Variants in POTEF observed in about 807,000 individuals in gnomAD.
POTEF encodes the protein ANKRD26-like family C member 1B.
Under a neutral mutation model 83.2 loss-of-function variants are expected in POTEF, and 20 were observed. The ratio of observed to expected loss-of-function variants is 0.24; its 90% CI spans 0.17 to 0.35. POTEF has a LOEUF of 0.35. Among genes scored for constraint, POTEF ranks in the 10% least tolerant of loss-of-function variants. The pLI is 1.00. For missense variants in POTEF, 550 were observed against 1,203.2 expected, an observed-to-expected ratio of 0.46 and a Z score of 8.03; for synonymous variants, 196 against 446.4, an observed-to-expected ratio of 0.44 and a Z score of 7.07.
intron 2 of POTEF, among the ~76,000 whole-genome samples, chr2:130,121,966 C>T (rs1010092352): frequency 2.0e-5 from 3 of 151,320 alleles, no homozygotes; most frequent in Admixed American, 6.6e-5. Context: ...CCCCATTCTT[C>T]CTTTAAACCT....
chr2:130,127,714 C>T lies in POTEF; in HGVS notation c.-99G>A, dbSNP rs1322030634. On this transcript the variant is annotated 5_prime_UTR_variant, in exon 2 of 17. Transcript: ENST00000409914. ...CCCCGCGGGCACCCTCCTACCACTC[C>T]TGTCGAGCTGCAGTCTCCGTGGCTG... 1 of 152,322 alleles carries T rather than the reference C, an allele frequency of 6.6e-6. No individual in the cohort carries two copies. Among genetic ancestry groups the T allele is most frequent in the Non-Finnish European group, 1.5e-5 (1 of 67,962 alleles). 9.4% of individuals were successfully genotyped at this position (152,322 alleles called of 1,614,324 possible).
At chr2:130,108,798 A>C (rs1684621136) in intron 7 of POTEF, among the ~76,000 whole-genome samples, 1 of 148,862 alleles carries the variant, frequency 6.7e-6, no homozygotes, top group African/African-American at 2.5e-5. Context: ...TTGATCAATC[A>C]CACCAAGGGC....
At chr2:130,113,306 C>T (rs1175317090) in intron 5 of POTEF, among the ~76,000 whole-genome samples, 3 of 109,930 alleles carry the variant, frequency 2.7e-5, no homozygotes, top group Non-Finnish European at 5.6e-5. Flanking sequence ...CACACCACTG[C>T]ATTCCAGCCT....
chr2:130,075,307 G>A lies in POTEF; in HGVS notation c.2165C>T (p.Ala722Val), dbSNP rs550448684. The A allele has an allele frequency of 1.3e-4, 205 of 1,612,604 alleles. 4 individuals are homozygous for A. In the East Asian group the frequency reaches 2.4e-3, roughly 19 times the overall value. The change falls in exon 17 of 17, where the codon GCG becomes GTG. Residue 722 changes from alanine to valine, a missense_variant. By Grantham distance (64) the Ala-to-Val change is moderately conservative (BLOSUM62 0). Coordinates refer to ENST00000409914, the MANE Select transcript of POTEF (RefSeq NM_001099771.2). The stretch of plus-strand genomic sequence containing the variant: ...GACAGCCCGGGGGGCATCGTCGCCC[G>A]CAAAGCCGGCCTTGCACATGCCAGA... ...NGSGMCKAGF[A>V]GDDAPRAVFP...
chr2:130,107,122 G>A (rs903016536), intron 8 of POTEF, among the ~76,000 whole-genome samples: 68 of 138,628 alleles, frequency 4.9e-4, no homozygotes, highest in African/African-American at 1.8e-3. Context: ...TTGTTAGCGT[G>A]AAACGTTTTT....
Position 130,120,321 on chromosome 2 carries a change from G to A in POTEF, c.195C>T (p.Cys65=), listed in dbSNP as rs544888598. 1.2e-6 allele frequency: 2 copies of A among 1,607,418 alleles called. No individual in the cohort carries two copies. Among genetic ancestry groups the A allele is most frequent in the East Asian group, 2.2e-5 (1 of 44,728 alleles). Reference sequence around the variant, plus strand: ...CCCTGCAGCAGGGGAAGCAGTGGCGGCACCACTTGCCCATCTTGCTCCTGA... The same window carrying A: ...CCCTGCAGCAGGGGAAGCAGTGGCGACACCACTTGCCCATCTTGCTCCTGA... ...KTLRSKMGKW[C]RHCFPCCRGS... Residue 65 remains cysteine (C), a synonymous_variant, in exon 3 of 17, where the codon TGC becomes TGT. Transcript: ENST00000409914.
At chr2:130,105,473 G>A (rs1329500803) in intron 8 of POTEF, among the ~76,000 whole-genome samples, 2 of 151,636 alleles carry the variant, frequency 1.3e-5, no homozygotes, top group East Asian at 3.9e-4. Context: ...TTCTTTACAT[G>A]GTAAAGAACC....
chr2:130,118,719 A>G (rs1360281287), intron 3 of POTEF, among the ~76,000 whole-genome samples: 2 of 151,496 alleles, frequency 1.3e-5, no homozygotes, highest in African/African-American at 2.4e-5. Context: ...ATATAAATAT[A>G]TATCTGCATA....
At chr2:130,117,697 G>A (rs10191331) in intron 3 of POTEF, among the ~76,000 whole-genome samples, 2,212 of 151,532 alleles carry the variant, frequency 0.015, 81 homozygotes, top group African/African-American at 0.052. Flanking sequence ...ATCTTTATAT[G>A]GGTTCTTCTA....
rs199777567 is a variant in POTEF, at chr2:130,074,972, C to G, written c.2500G>C (p.Val834Leu). 1 of 1,609,694 alleles carries G rather than the reference C, an allele frequency of 6.2e-7. No homozygotes were observed. The highest frequency in any genetic ancestry group is 1.3e-5 in the African/African-American group (1 of 74,138). ...FETFNTPAMYVAIQAVLSLYT... is the reference protein window; with the variant it reads ...FETFNTPAMYLAIQAVLSLYT... ...AGGGACAGCACAGCCTGGATGGCCA[C>G]GTACATGGCTGGGGTGTTGAAGGTC... The change falls in exon 17 of 17, where the codon GTG (valine) becomes CTG (leucine). Residue 834 changes from valine to leucine, a missense_variant. Transcript: ENST00000409914.
chr2:130,113,671 A>G (rs574396658), intron 5 of POTEF, among the ~76,000 whole-genome samples: 1 of 140,018 alleles, frequency 7.1e-6, no homozygotes, highest in African/African-American at 2.7e-5. Context: ...GGCTTCAAGG[A>G]AACATTTTCA....
In POTEF at chr2:130,100,786, C is replaced by T. The variant is rs190783368; in HGVS notation, c.1198-66G>A. ...TTCTGTGATGTGTCCTCTTTTGGAG[C>T]GCATGTTTTAAAAAAATTTTATTCT... On this transcript the variant is annotated intron_variant, in intron 9 of 16. Transcript: ENST00000409914. 4,812 of 1,562,678 alleles carry T rather than the reference C, an allele frequency of 3.1e-3. 48 individuals are homozygous for T. In the African/African-American group the frequency reaches 0.061, roughly 20 times the overall value.
chr2:130,116,319 G>T lies in POTEF; in HGVS notation c.522-991C>A, dbSNP rs572405716. ...TTATAAATTTTCTCCTTTTAAAACG[G>T]ATTTATGAAACGATTTGTGGAGCTT... On this transcript the variant is annotated intron_variant, in intron 3 of 16. Transcript: ENST00000409914. 4.9e-4 allele frequency among the ~76,000 whole-genome samples: 74 copies of T among 150,750 alleles called. 2 individuals carry two copies. The South Asian group carries it at 0.013, about 27-fold the overall frequency.
Position 130,085,567 on chromosome 2 carries a change from AG to A in POTEF, c.1778+246del, listed in dbSNP as rs559829266. Among the ~76,000 whole-genome samples, 274 of 79,084 alleles carry A rather than the reference AG, an allele frequency of 3.5e-3. 67 individuals are homozygous for A. Among genetic ancestry groups the A allele is most frequent in the Non-Finnish European group, 3.2e-3 (130 of 41,028 alleles). 51.9% of individuals were successfully genotyped at this position (79,084 alleles called of 152,430 possible). On this transcript the variant is annotated intron_variant, in intron 15 of 16. Coordinates refer to ENST00000409914, the MANE Select transcript of POTEF (RefSeq NM_001099771.2). ...ACACGTACCCCGAAGCTAAAATAAAAGTTCACTGAAAAGAGAAGAAAATGTC... is the reference window on the plus strand; with the variant it reads ...ACACGTACCCCGAAGCTAAAATAAAATTCACTGAAAAGAGAAGAAAATGTC...
chr2:130,114,051 G>A (rs1201925474), intron 5 of POTEF, among the ~76,000 whole-genome samples: 1 of 151,876 alleles, frequency 6.6e-6, no homozygotes, highest in Non-Finnish European at 1.5e-5. Flanking sequence ...ACTCTCATTG[G>A]CCATTTCTAC....
intron 8 of POTEF, among the ~76,000 whole-genome samples, chr2:130,103,360 A>G (rs1224394808): frequency 2.0e-5 from 3 of 150,530 alleles, no homozygotes; most frequent in Non-Finnish European, 4.4e-5. Flanking sequence ...CAGCCTCCCA[A>G]AATGCTGGGA....
At chr2:130,127,484 T>A (rs1685126333) in intron 2 of POTEF, among the ~76,000 whole-genome samples, 1 of 150,360 alleles carries the variant, frequency 6.7e-6, no homozygotes, top group South Asian at 2.1e-4. Flanking sequence ...TTTCCCTAAG[T>A]GCACCTCCAC....
At position 130,075,176 on chromosome 2, in the gene POTEF, T is replaced by C. The variant is rs573333871; in HGVS notation, c.2296A>G (p.Thr766Ala). The C allele has an allele frequency of 1.1e-4, 174 of 1,613,072 alleles. No homozygotes were observed. The highest frequency in any genetic ancestry group is 2.2e-4 in the Admixed American group (13 of 59,864). The change falls in exon 17 of 17, where the codon ACC becomes GCC. Residue 766 changes from threonine (T) to alanine (A), a missense_variant. Transcript: ENST00000409914. ...CCGTGTTCCATGGGGTACTTCAGGGTCAGGATGCCTCTTTTGCTCTGGGCC... is the reference window on the plus strand; with the variant it reads ...CCGTGTTCCATGGGGTACTTCAGGGCCAGGATGCCTCTTTTGCTCTGGGCC... ...KEAQSKRGIL[T>A]LKYPMEHGII...
At chr2:130,116,215 T>G (rs1684840422) in intron 3 of POTEF, among the ~76,000 whole-genome samples, 1 of 151,558 alleles carries the variant, frequency 6.6e-6, no homozygotes, top group Admixed American at 6.5e-5. Context: ...TAGCATGGGC[T>G]CATTTTTGTC....
Sources: gnomAD v4.1 joint callset for allele counts (sites outside exome capture counted in the v4.1 genomes callset) on GRCh38, gnomAD v4.1.1 for gene constraint, MANE v1.5 for transcripts, NCBI Gene and HGNC (gene_info 2026-07-23, HGNC 2026-07-21) for gene names.